AUTS2: variants seen among roughly 807,000 people sequenced by gnomAD.
The protein encoded by AUTS2 is autism susceptibility gene 2 protein.
In AUTS2, 17 loss-of-function variants were observed where a neutral mutation model predicts 112.4. The ratio of observed to expected loss-of-function variants is 0.15; its 90% confidence interval spans 0.10 to 0.23. The LOEUF is 0.23. AUTS2 is among the 10% of genes least tolerant of loss of function. The probability of loss-of-function intolerance (pLI) is 1.00; values close to 1 mark genes in which losing one functional copy is unlikely to be tolerated. For synonymous variants in AUTS2, 751 were observed against 702.7 expected, an observed-to-expected ratio of 1.07 and a Z score of -1.09; for missense variants, 1,510 against 1,701.6, an observed-to-expected ratio of 0.89 and a Z score of 1.98.
chr7:69,607,879 C>T (rs1562754934), intron 1 of AUTS2, among the ~76,000 whole-genome samples: 2 of 152,166 alleles, frequency 1.3e-5, no homozygotes, highest in Admixed American at 1.3e-4. Flanking sequence ...GAAGCACAGC[C>T]TGCAAATATA....
intron 2 of AUTS2, among the ~76,000 whole-genome samples, chr7:70,104,805 T>G (rs1804683584): frequency 6.6e-6 from 1 of 152,188 alleles, no homozygotes; most frequent in Non-Finnish European, 1.5e-5. Flanking sequence ...TTTTTTCTCC[T>G]TACCCACTGC....
intron 4 of AUTS2, among the ~76,000 whole-genome samples, chr7:70,391,278 A>T (rs1249417545): frequency 6.6e-6 from 1 of 152,194 alleles, no homozygotes; most frequent in Non-Finnish European, 1.5e-5. Context: ...TCTCTTTCCC[A>T]TATCATGTGG....
intron 14 of AUTS2, among the ~76,000 whole-genome samples, chr7:70,780,416 AGTTT>A (rs552027121): frequency 0.012 from 1,650 of 136,184 alleles, 13 homozygotes; most frequent in Non-Finnish European, 0.022. Context: ...TTCACACAAG[AGTTT>A]GTTTTTTTTT....
At chr7:70,634,787 A>C (rs1805449210) in intron 5 of AUTS2, among the ~76,000 whole-genome samples, 1 of 152,172 alleles carries the variant, frequency 6.6e-6, no homozygotes. Context: ...GAGTAGGTGC[A>C]ACTTCCTCCC....
chr7:70,164,898 A>G (rs1808302701), intron 4 of AUTS2, among the ~76,000 whole-genome samples: 2 of 152,216 alleles, frequency 1.3e-5, no homozygotes, highest in South Asian at 4.1e-4. Flanking sequence ...AGTCAACAAA[A>G]TCTGACATGC....
chr7:70,280,939 G>A (rs2129610452), intron 4 of AUTS2, among the ~76,000 whole-genome samples: 1 of 152,114 alleles, frequency 6.6e-6, no homozygotes, highest in East Asian at 1.9e-4. Context: ...AATTTATTAG[G>A]ATTTTACTTC....
intron 4 of AUTS2, among the ~76,000 whole-genome samples, chr7:70,255,485 T>C (rs551394411): frequency 4.6e-5 from 7 of 152,328 alleles, no homozygotes; most frequent in African/African-American, 1.4e-4. Context: ...TTCTGTGGTG[T>C]TCCTTTTGAC....
intron 5 of AUTS2, among the ~76,000 whole-genome samples, chr7:70,438,013 C>G (rs1450151407): frequency 6.6e-6 from 1 of 152,024 alleles, no homozygotes; most frequent in Non-Finnish European, 1.5e-5. Context: ...GTGCCTGGGC[C>G]TCATCCCAGG....
At chr7:70,579,013 A>G (rs533645882) in intron 5 of AUTS2, among the ~76,000 whole-genome samples, 2 of 146,838 alleles carry the variant, frequency 1.4e-5, no homozygotes, top group Admixed American at 6.8e-5. Flanking sequence ...TGCAGCCTCA[A>G]CCTCCCCAGG....
intron 4 of AUTS2, among the ~76,000 whole-genome samples, chr7:70,371,288 G>A (rs760000668): frequency 6.6e-6 from 1 of 152,194 alleles, no homozygotes; most frequent in Non-Finnish European, 1.5e-5. Flanking sequence ...CTCCTCACAT[G>A]ATTCTGATGC....
At chr7:70,139,464 C>G (rs759492191) in intron 4 of AUTS2, among the ~76,000 whole-genome samples, 1 of 152,162 alleles carries the variant, frequency 6.6e-6, no homozygotes, top group African/African-American at 2.4e-5. Flanking sequence ...AGACGTCATT[C>G]TACTCATAGC....
intron 1 of AUTS2, among the ~76,000 whole-genome samples, chr7:69,866,404 G>A (rs1793234308): frequency 6.6e-6 from 1 of 152,028 alleles, no homozygotes; most frequent in Non-Finnish European, 1.5e-5. Context: ...CCTTTTCTTG[G>A]AAACCTTCCA....
chr7:70,720,692 C>G (rs780647368), intron 6 of AUTS2, among the ~76,000 whole-genome samples: 18 of 152,110 alleles, frequency 1.2e-4, no homozygotes, highest in African/African-American at 4.3e-4. Flanking sequence ...GTTTGTTAAC[C>G]ATCTTCAGAA....
At chr7:70,520,198 A>G (rs1307689730) in intron 5 of AUTS2, among the ~76,000 whole-genome samples, 10 of 152,144 alleles carry the variant, frequency 6.6e-5, no homozygotes, top group Admixed American at 6.6e-4. Flanking sequence ...AATAAGTATT[A>G]TCAAGTCTTG....
At chr7:70,761,882 T>TCCC (rs1280074727) in intron 6 of AUTS2, among the ~76,000 whole-genome samples, 1 of 152,226 alleles carries the variant, frequency 6.6e-6, no homozygotes, top group African/African-American at 2.4e-5. Flanking sequence ...CCCCATGTGG[T>TCCC]CCCAGGGGAC....
chr7:70,546,620 T>A (rs985508698), intron 5 of AUTS2, among the ~76,000 whole-genome samples: 2 of 150,666 alleles, frequency 1.3e-5, no homozygotes, highest in Non-Finnish European at 3.0e-5. Flanking sequence ...CTACTAAAAA[T>A]ACAAAAAAAT....
At chr7:70,151,686 A>G (rs1807449107) in intron 4 of AUTS2, among the ~76,000 whole-genome samples, 1 of 152,106 alleles carries the variant, frequency 6.6e-6, no homozygotes. Context: ...TCCTGACCTC[A>G]GATGATCTAC....
intron 4 of AUTS2, among the ~76,000 whole-genome samples, chr7:70,304,699 A>C (rs1584997132): frequency 6.7e-6 from 1 of 149,486 alleles, no homozygotes; most frequent in African/African-American, 2.5e-5. Context: ...TGAGACCAGA[A>C]GTGTTTTGGA....
At chr7:70,481,024 G>A (rs888658628) in intron 5 of AUTS2, among the ~76,000 whole-genome samples, 3 of 152,200 alleles carry the variant, frequency 2.0e-5, no homozygotes, top group Non-Finnish European at 4.4e-5. Flanking sequence ...TTTAGTGAGA[G>A]TTGAAGGCTC....
Sources: allele counts gnomAD v4.1 joint callset (sites outside exome capture counted in the v4.1 genomes callset), GRCh38; gene constraint gnomAD v4.1.1; transcripts MANE v1.5; gene names NCBI Gene and HGNC (gene_info 2026-07-23, HGNC 2026-07-21).